FBXO31: variants seen among roughly 807,000 people sequenced by gnomAD.
FBXO31 encodes F-box only protein 31.
In FBXO31, 24 loss-of-function variants were observed where a neutral mutation model predicts 54.4. That is an observed-to-expected ratio of 0.44 (90% CI 0.32 to 0.62). FBXO31 has a LOEUF of 0.62. Among genes scored for constraint, FBXO31 ranks in the 20% least tolerant of loss-of-function variants. FBXO31 has a pLI of 0.05. For missense variants in FBXO31, 665 were observed against 787.1 expected (o/e 0.84, Z 1.86); for synonymous variants, 388 against 335.6 (o/e 1.16, Z -1.71).
In FBXO31 at chr16:87,382,931, G is replaced by T. The variant is rs150627169; in HGVS notation, c.340+474C>A. Among the ~76,000 whole-genome samples, 133 of 152,268 alleles carry T rather than the reference G, an allele frequency of 8.7e-4. 1 individual carries two copies. In the East Asian group the frequency reaches 0.023, roughly 27 times the overall value. ...GATTACAGGCGTGAAACCGCGCCCGGCCTGCTCCCATTTCTTCAAGTTCAC... is the reference window on the plus strand; with the variant it reads ...GATTACAGGCGTGAAACCGCGCCCGTCCTGCTCCCATTTCTTCAAGTTCAC... On this transcript the variant is annotated intron_variant, in intron 1 of 8. Transcript: ENST00000311635.
At chr16:87,382,752 C>T (rs1252739193) in intron 1 of FBXO31, among the ~76,000 whole-genome samples, 1 of 152,186 alleles carries the variant, frequency 6.6e-6, no homozygotes, top group Non-Finnish European at 1.5e-5. Flanking sequence ...TCTGCCTCAC[C>T]CTCCCGAGTA....
At chr16:87,374,256 AAAAG>A (rs910028640) in intron 1 of FBXO31, among the ~76,000 whole-genome samples, 3 of 152,136 alleles carry the variant, frequency 2.0e-5, no homozygotes, top group African/African-American at 7.2e-5. Context: ...GAAAAAAAAA[AAAAG>A]AGAGGAAAAT....
Position 87,335,410 on chromosome 16 carries a change from T to TCGGGGCGG in FBXO31, c.882_889dup (p.Asp297AlafsTer24). 6.2e-7 allele frequency: 1 copy of TCGGGGCGG among 1,613,730 alleles called. No homozygotes were observed. The highest frequency in any genetic ancestry group is 8.5e-7 in the Non-Finnish European group (1 of 1,179,950). ...GAAGAGGCCAGGCTTGATGAGGTCG[T>TCGGGGCGG]CGGGGCGGCTGGGCGGCAGGTAGAT... On this transcript the variant is annotated frameshift_variant, in exon 7 of 9. Coordinates refer to ENST00000311635, the MANE Select transcript of FBXO31 (RefSeq NM_024735.5). LOFTEE classifies it high-confidence loss of function. The surrounding 1 kb of genome is among the most constrained non-coding windows in gnomAD (Gnocchi z 5.7).
intron 3 of FBXO31, among the ~76,000 whole-genome samples, chr16:87,344,693 C>G (rs1347371527): frequency 1.3e-5 from 2 of 152,108 alleles, no homozygotes; most frequent in African/African-American, 2.4e-5. Flanking sequence ...AATTACCCTT[C>G]CTCCACTAAA....
chr16:87,367,762 G>A (rs1169982113), intron 1 of FBXO31: 1 of 152,248 alleles, frequency 6.6e-6, no homozygotes, highest in East Asian at 1.9e-4. Flanking sequence ...CTGCGCCAAC[G>A]GCCAGATGGG....
Position 87,333,867 on chromosome 16 carries a change from G to A in FBXO31, c.1397+19C>T. 6.3e-7 allele frequency: 1 copy of A among 1,577,270 alleles called. No homozygotes were observed. Among genetic ancestry groups the A allele is most frequent in the Non-Finnish European group, 8.6e-7 (1 of 1,158,686 alleles). On this transcript the variant is annotated intron_variant, in intron 8 of 8. Coordinates refer to ENST00000311635, the MANE Select transcript of FBXO31 (RefSeq NM_024735.5). Reference sequence around the variant, plus strand: ...CATGCTGTCCCACCTTCAGGCCCCAGTACCCGCCGCATCCTTACCACATCC... The same window carrying A: ...CATGCTGTCCCACCTTCAGGCCCCAATACCCGCCGCATCCTTACCACATCC...
rs775882298 is a variant in FBXO31 at position 87,347,208 on chromosome 16, T to G, written c.455A>C (p.Asp152Ala). Reference sequence around the variant, plus strand: ...CAGCAGTCCTCCGTATGGCCCGATATCTGGCTGCCACAATCCCAAAATGTG... The same window carrying G: ...CAGCAGTCCTCCGTATGGCCCGATAGCTGGCTGCCACAATCCCAAAATGTG... ...YRHILGLWQPDIGPYGGLLNV... is the reference protein window; with the variant it reads ...YRHILGLWQPAIGPYGGLLNV... The change falls in exon 3 of 9, where the codon GAT (aspartate) becomes GCT (alanine). Residue 152 changes from aspartate (D) to alanine (A), a missense_variant. Physicochemically the swap from Asp to Ala is moderately radical, Grantham distance 126. Coordinates refer to ENST00000311635, the MANE Select transcript of FBXO31 (RefSeq NM_024735.5). 6.2e-7 allele frequency: 1 copy of G among 1,614,088 alleles called. No homozygotes were observed. Among genetic ancestry groups the G allele is most frequent in the Admixed American group, 1.7e-5 (1 of 60,020 alleles).
chr16:87,376,538 G>A (rs1251465825), intron 1 of FBXO31, among the ~76,000 whole-genome samples: 2 of 152,174 alleles, frequency 1.3e-5, no homozygotes, highest in Non-Finnish European at 2.9e-5. Context: ...GCCTCCCAAA[G>A]TGCTGGGATT....
intron 2 of FBXO31, among the ~76,000 whole-genome samples, chr16:87,355,449 T>G (rs764020777): frequency 2.0e-5 from 3 of 152,218 alleles, no homozygotes; most frequent in Non-Finnish European, 4.4e-5. Context: ...GTTGAGGCTG[T>G]TGAAATTGGC....
chr16:87,344,953 C>T (rs1313332477), intron 3 of FBXO31, among the ~76,000 whole-genome samples: 1 of 150,034 alleles, frequency 6.7e-6, no homozygotes, highest in Non-Finnish European at 1.5e-5. Flanking sequence ...TGCCCCAAAC[C>T]CCACCTGGGG....
In FBXO31 at chr16:87,333,768, G is replaced by A. The variant is rs1904945005; in HGVS notation, c.1397+118C>T. The A allele has an allele frequency of 1.6e-5, 24 of 1,462,458 alleles. No homozygotes were observed. The East Asian group carries it at 1.9e-4, about 12-fold the overall frequency. 90.6% of individuals were successfully genotyped at this position (1,462,458 alleles called of 1,614,324 possible). On this transcript the variant is annotated intron_variant, in intron 8 of 8. Transcript: ENST00000311635. ...GGCCGCACTCCTGTCCCAAAGCACC[G>A]GCTGCCGCCCTCTGTGAGGTCACAG...
At position 87,345,574 on chromosome 16, in the gene FBXO31, C is replaced by T. The variant is rs1379500027; in HGVS notation, c.489+1600G>A. ...AACTAAAACTACAAGCAGACATCTG[C>T]TCCTGGCCCTGGCCCCAGAGCTCAT... On this transcript the variant is annotated intron_variant, in intron 3 of 8. Transcript: ENST00000311635. This position sits in a 1 kb window ranked among gnomAD's most constrained non-coding sequence, Gnocchi z 4.9. Among the ~76,000 whole-genome samples the T allele has an allele frequency of 6.6e-6, 1 of 152,200 alleles. No individual in the cohort carries two copies. Among genetic ancestry groups the T allele is most frequent in the Non-Finnish European group, 1.5e-5 (1 of 68,036 alleles).
In FBXO31 at chr16:87,363,183, G is replaced by A. The variant is rs570372211; in HGVS notation, c.341-2817C>T. Among the ~76,000 whole-genome samples the A allele has an allele frequency of 1.1e-4, 17 of 152,234 alleles. No individual in the cohort carries two copies. The South Asian group carries it at 3.1e-3, about 28-fold the overall frequency. On this transcript the variant is annotated intron_variant, in intron 1 of 8. Transcript: ENST00000311635. Reference sequence around the variant, plus strand: ...GAAGATCACCTGAGGTTGGGAGTTCGAGATCAGCCTGACCAACATGGAGAA... The same window carrying A: ...GAAGATCACCTGAGGTTGGGAGTTCAAGATCAGCCTGACCAACATGGAGAA...
intron 5 of FBXO31, among the ~76,000 whole-genome samples, chr16:87,339,448 T>C (rs1032588758): frequency 6.6e-6 from 1 of 152,154 alleles, no homozygotes; most frequent in Non-Finnish European, 1.5e-5. Context: ...ATGAACGAAG[T>C]GACTGTGGGA....
intron 1 of FBXO31, among the ~76,000 whole-genome samples, chr16:87,365,861 C>G (rs1320081921): frequency 6.6e-6 from 1 of 152,094 alleles, no homozygotes; most frequent in African/African-American, 2.4e-5. Context: ...AACCCGGTCT[C>G]TATTGAAAAT....
intron 2 of FBXO31, among the ~76,000 whole-genome samples, chr16:87,357,776 C>CA (rs1905960437): frequency 6.6e-6 from 1 of 151,952 alleles, no homozygotes; most frequent in Non-Finnish European, 1.5e-5. Context: ...ACTAAAAATA[C>CA]AAAAAAATTT....
rs759650960 is a variant in FBXO31, at chr16:87,358,486, G to C, written c.412+1809C>G. On this transcript the variant is annotated intron_variant, in intron 2 of 8. Coordinates refer to ENST00000311635, the MANE Select transcript of FBXO31 (RefSeq NM_024735.5). The surrounding 1 kb of genome is among the most constrained non-coding windows in gnomAD (Gnocchi z 4.0). The stretch of plus-strand genomic sequence containing the variant: ...TTCACAAAACGTCCCGACTTCACGC[G>C]AGGGTTTATACCTGAACAGACACAG... 1 of 152,678 alleles carries C rather than the reference G, an allele frequency of 6.5e-6. No homozygotes were observed. Among genetic ancestry groups the C allele is most frequent in the African/African-American group, 2.4e-5 (1 of 41,462 alleles). 9.5% of individuals were successfully genotyped at this position (152,678 alleles called of 1,614,324 possible). A position where few individuals can be genotyped will look rare whatever the true frequency, so the allele number is the denominator to read the frequency against.
intron 2 of FBXO31, among the ~76,000 whole-genome samples, chr16:87,348,642 A>C (rs1011593800): frequency 3.3e-5 from 5 of 152,168 alleles, no homozygotes; most frequent in African/African-American, 1.2e-4. Flanking sequence ...CAGCCGGCCC[A>C]GGCTGTTACA....
intron 2 of FBXO31, among the ~76,000 whole-genome samples, chr16:87,350,974 C>T (rs1035762705): frequency 1.4e-4 from 22 of 152,224 alleles, no homozygotes; most frequent in African/African-American, 5.1e-4. Context: ...ACAACACCTT[C>T]GCTGTACTTT....
Sources: allele counts gnomAD v4.1 joint callset (sites outside exome capture counted in the v4.1 genomes callset), GRCh38; gene constraint gnomAD v4.1.1; non-coding constraint Gnocchi (gnomAD v3.1); transcripts MANE v1.5; gene names NCBI Gene and HGNC (gene_info 2026-07-23, HGNC 2026-07-21).